The following CACNA2D3 variants were observed in gnomAD, a reference collection of about 807,000 sequenced individuals.
The protein encoded by CACNA2D3 is voltage-dependent calcium channel subunit alpha-2/delta-3.
A neutral mutation model predicts 160.6 loss-of-function variants in CACNA2D3; 60 were observed. The observed-to-expected ratio is 0.37, with a 90% CI of 0.30 to 0.46. The LOEUF (loss-of-function observed/expected upper bound fraction) is 0.46, where lower values mean the gene tolerates loss of function less well. CACNA2D3 is among the 20% of genes least tolerant of loss of function. CACNA2D3 has a pLI of 1.00. For synonymous variants in CACNA2D3, 558 were observed against 492.9 expected, an observed-to-expected ratio of 1.13 and a Z score of -1.75; for missense variants, 1,205 against 1,365.0, an observed-to-expected ratio of 0.88 and a Z score of 1.85.
intron 13 of CACNA2D3, among the ~76,000 whole-genome samples, chr3:54,810,976 C>T (rs971117616): frequency 6.6e-6 from 1 of 152,178 alleles, no homozygotes; most frequent in African/African-American, 2.4e-5. Flanking sequence ...TCACAGGTTG[C>T]CTGCGCTGGT....
chr3:55,042,165 A>C (rs1461335269), intron 35 of CACNA2D3, among the ~76,000 whole-genome samples: 1 of 152,164 alleles, frequency 6.6e-6, no homozygotes, highest in Non-Finnish European at 1.5e-5. Context: ...AATTAGGTCA[A>C]GACATTGTGT....
At chr3:54,822,771 TTTCTTTCTTTCTTTCTTTCC>T (rs1559595493) in intron 14 of CACNA2D3, among the ~76,000 whole-genome samples, 6 of 93,378 alleles carry the variant, frequency 6.4e-5, no homozygotes, top group Middle Eastern at 5.0e-3. Flanking sequence ...TCTTTCTTTC[TTTCTTTCTTTCTTTCTTTCC>T]TTTCTTTCTT....
intron 2 of CACNA2D3, among the ~76,000 whole-genome samples, chr3:54,183,892 G>GAAAAAAAAA (rs58956795): frequency 1.2e-4 from 10 of 80,798 alleles, no homozygotes; most frequent in Non-Finnish European, 1.5e-4. Context: ...TCTCAAAAAA[G>GAAAAAAAAA]AAAAAAAAAA....
At chr3:54,423,840 A>G (rs1699873130) in intron 4 of CACNA2D3, among the ~76,000 whole-genome samples, 2 of 151,640 alleles carry the variant, frequency 1.3e-5, no homozygotes, top group African/African-American at 4.8e-5. Flanking sequence ...CTCCATATTC[A>G]GGAGGGTGCC....
chr3:54,614,549 C>T (rs184445287), intron 9 of CACNA2D3, among the ~76,000 whole-genome samples: 1 of 152,254 alleles, frequency 6.6e-6, no homozygotes, highest in East Asian at 1.9e-4. Flanking sequence ...TCTTCTTTGC[C>T]CTTTTACTTG....
chr3:54,383,450 C>T (rs1415348641), intron 3 of CACNA2D3, among the ~76,000 whole-genome samples: 2 of 152,136 alleles, frequency 1.3e-5, no homozygotes, highest in Admixed American at 6.5e-5. Context: ...TCTGGGATAC[C>T]TATTTGCTTC....
intron 27 of CACNA2D3, among the ~76,000 whole-genome samples, chr3:54,923,018 G>A (rs1217679862): frequency 2.6e-5 from 4 of 152,106 alleles, no homozygotes; most frequent in African/African-American, 4.8e-5. Context: ...ACCCTGGTTT[G>A]GGCCACCATC....
chr3:54,198,209 C>A (rs1311044073), intron 2 of CACNA2D3, among the ~76,000 whole-genome samples: 3 of 152,204 alleles, frequency 2.0e-5, no homozygotes, highest in African/African-American at 4.8e-5. Flanking sequence ...TAAAAGAGCC[C>A]CCATCCTCTA....
intron 3 of CACNA2D3, among the ~76,000 whole-genome samples, chr3:54,378,927 G>T (rs1056370163): frequency 2.6e-5 from 4 of 152,138 alleles, no homozygotes; most frequent in African/African-American, 9.7e-5. Context: ...CACTGATAAC[G>T]GGTATTAATT....
intron 9 of CACNA2D3, among the ~76,000 whole-genome samples, chr3:54,606,366 G>A (rs72868856): frequency 0.013 from 2,003 of 152,154 alleles, 53 homozygotes; most frequent in African/African-American, 0.046. Flanking sequence ...GGCTGGGGAA[G>A]GTAGAGGTAG....
At chr3:54,506,399 ACTTG>A (rs1701371151) in intron 5 of CACNA2D3, among the ~76,000 whole-genome samples, 1 of 152,164 alleles carries the variant, frequency 6.6e-6, no homozygotes, top group African/African-American at 2.4e-5. Flanking sequence ...GTGGTTTGAT[ACTTG>A]CCTAGGAGCT....
intron 4 of CACNA2D3, among the ~76,000 whole-genome samples, chr3:54,404,886 A>C (rs1251476059): frequency 6.6e-6 from 1 of 152,062 alleles, no homozygotes; most frequent in Non-Finnish European, 1.5e-5. Flanking sequence ...AAATAAAACA[A>C]GATGAAATAC....
intron 11 of CACNA2D3, among the ~76,000 whole-genome samples, chr3:54,719,174 T>A (rs1701123659): frequency 6.6e-6 from 1 of 150,892 alleles, no homozygotes; most frequent in East Asian, 1.9e-4. Context: ...TTTTTTTTTT[T>A]TTTTTTATCT....
At chr3:54,269,780 C>T (rs1702584775) in intron 2 of CACNA2D3, among the ~76,000 whole-genome samples, 1 of 152,150 alleles carries the variant, frequency 6.6e-6, no homozygotes, top group African/African-American at 2.4e-5. Flanking sequence ...CTTCATGGAA[C>T]AGTGTTAGGG....
intron 18 of CACNA2D3, chr3:54,874,561 T>G (rs1386961804): frequency 6.6e-6 from 1 of 152,230 alleles, no homozygotes; most frequent in Non-Finnish European, 1.5e-5. Context: ...AAATAATAAC[T>G]GCCATATATT....
At chr3:54,960,064 G>T (rs1701994159) in intron 27 of CACNA2D3, among the ~76,000 whole-genome samples, 1 of 144,532 alleles carries the variant, frequency 6.9e-6, no homozygotes, top group Non-Finnish European at 1.5e-5. Flanking sequence ...GTTCCGAGAA[G>T]CTCTGACAGG....
chr3:54,597,985 A>T (rs111832431), intron 9 of CACNA2D3, among the ~76,000 whole-genome samples: 12,120 of 151,972 alleles, frequency 0.08, 580 homozygotes, highest in South Asian at 0.21. Flanking sequence ...CCATCCATAG[A>T]GCGAGGATCA....
At chr3:54,476,966 A>G (rs1037542697) in intron 4 of CACNA2D3, among the ~76,000 whole-genome samples, 5 of 152,216 alleles carry the variant, frequency 3.3e-5, no homozygotes, top group African/African-American at 1.2e-4. Context: ...GTAAAGAAAC[A>G]GTAGATACCA....
At chr3:54,182,768 G>A (rs1402138892) in intron 2 of CACNA2D3, among the ~76,000 whole-genome samples, 2 of 152,146 alleles carry the variant, frequency 1.3e-5, no homozygotes, top group African/African-American at 2.4e-5. Flanking sequence ...CACTGGGATG[G>A]CAGAAACTGC....
Sources: allele counts gnomAD v4.1 joint callset (sites outside exome capture counted in the v4.1 genomes callset), GRCh38; gene constraint gnomAD v4.1.1; transcripts MANE v1.5; gene names NCBI Gene and HGNC (gene_info 2026-07-23, HGNC 2026-07-21).